Variants in NHLRC3 observed in about 807,000 individuals in gnomAD.
NHLRC3 encodes NHL repeat-containing protein 3.
A neutral mutation model predicts 32.0 loss-of-function variants in NHLRC3; 23 were observed. The ratio of observed to expected loss-of-function variants is 0.72; its 90% CI spans 0.52 to 1.02. The LOEUF (loss-of-function observed/expected upper bound fraction) is 1.02, where lower values mean the gene tolerates loss of function less well. Among genes scored for constraint, NHLRC3 ranks in the 50% least tolerant of loss-of-function variants. NHLRC3 has a pLI of 0.00. For synonymous variants in NHLRC3, 159 were observed against 147.9 expected (o/e 1.08, Z -0.55); for missense variants, 407 against 406.8 (o/e 1.00, Z -0.01).
At chr13:39,047,589 G>T in intron 6 of NHLRC3, 85 bp from the exon 7 acceptor site, 1 of 1,071,366 alleles carries the variant, frequency 9.3e-7, no homozygotes, top group Non-Finnish European at 1.4e-6. Flanking sequence ...CTGTTGTTTG[G>T]CACAGTAGGG....
At chr13:39,044,279 A>C in intron 5 of NHLRC3, 98 bp downstream of exon 5, 1 of 830,166 alleles carries the variant, frequency 1.2e-6, no homozygotes. Context: ...CTGGGCATGT[A>C]TATATAGATT....
chr13:39,047,141 T>A lies in NHLRC3; in HGVS notation c.780T>A (p.Pro260=). 1.3e-6 allele frequency: 2 copies of A among 1,571,900 alleles called. No homozygotes were observed. The highest frequency in any genetic ancestry group is 1.7e-6 in the Non-Finnish European group (2 of 1,143,522). ...AWNNCFTEEG[P]SSVRFTPDGK... is the part of the protein sequence containing the mutation. ...ATAATTGTTTCACAGAAGAGGGACC[T>A]TCTTCAGTCAGGTAATTGTTTCATT... Residue 260 remains proline (P), a synonymous_variant, in exon 6 of 7, where the codon CCT becomes CCA. Transcript: ENST00000379600.
intron 2 of NHLRC3, 96 bp from the exon 3 acceptor site, chr13:39,039,468 T>C: frequency 8.1e-7 from 1 of 1,231,264 alleles, no homozygotes; most frequent in Non-Finnish European, 1.1e-6. Flanking sequence ...AAGTGGTTTT[T>C]GTAGTAAAAT....
chr13:39,043,176 T>C (rs1871527405), intron 4 of NHLRC3, among the ~76,000 whole-genome samples: 1 of 151,326 alleles, frequency 6.6e-6, no homozygotes, highest in Non-Finnish European at 1.5e-5. Context: ...TTGATAACAG[T>C]TGAAAGGGAA....
In NHLRC3 at chr13:39,047,078, A is replaced by G; in HGVS notation, c.717A>G (p.Val239=). ...VADRGNKRIQ[V]FDKDTGEWLG... ...ACCGAGGAAATAAAAGAATCCAAGTATTTGATAAAGACACTGGGGAGTGGT... is the reference window on the plus strand; with the variant it reads ...ACCGAGGAAATAAAAGAATCCAAGTGTTTGATAAAGACACTGGGGAGTGGT... Residue 239 remains valine (V), a synonymous_variant, in exon 6 of 7, where the codon GTA becomes GTG. Coordinates refer to ENST00000379600, the MANE Select transcript of NHLRC3 (RefSeq NM_001012754.4). The G allele has an allele frequency of 6.2e-7, 1 of 1,613,302 alleles. No homozygotes were observed. Among genetic ancestry groups the G allele is most frequent in the Non-Finnish European group, 8.5e-7 (1 of 1,179,506 alleles).
intron 4 of NHLRC3, 56 bp from the exon 5 acceptor site, chr13:39,044,034 C>A: frequency 8.4e-7 from 1 of 1,195,822 alleles, no homozygotes; most frequent in Non-Finnish European, 1.2e-6. Context: ...ATAAAATATG[C>A]AAATGCATGA....
At chr13:39,038,992 C>A in intron 1 of NHLRC3, 144 bp from the exon 2 acceptor site, 1 of 688,002 alleles carries the variant, frequency 1.5e-6, no homozygotes, top group Non-Finnish European at 2.5e-6. Context: ...CATCTAAGCT[C>A]ATTTCTTTGG....
intron 4 of NHLRC3, 112 bp from the exon 5 acceptor site, chr13:39,043,978 C>A: frequency 1.3e-6 from 1 of 768,458 alleles, no homozygotes; most frequent in Non-Finnish European, 2.2e-6. Context: ...AAAGCATAGT[C>A]AAGTGAACCA....
Position 39,044,195 on chromosome 13 carries a change from G to A in NHLRC3, c.678+14G>A, listed in dbSNP as rs763940483. ...TCAGCTGGTCGGGTACAAATACAGCGTCATTGTGTCTGGGACTTTGTGTCT... is the reference window on the plus strand; with the variant it reads ...TCAGCTGGTCGGGTACAAATACAGCATCATTGTGTCTGGGACTTTGTGTCT... On this transcript the variant is annotated intron_variant, in intron 5 of 6. Coordinates refer to ENST00000379600, the MANE Select transcript of NHLRC3 (RefSeq NM_001012754.4). The A allele has an allele frequency of 4.8e-5, 75 of 1,551,386 alleles. No individual in the cohort carries two copies. Among genetic ancestry groups the A allele is most frequent in the Non-Finnish European group, 5.8e-5 (65 of 1,123,050 alleles).
intron 3 of NHLRC3, chr13:39,040,195 A>C (rs1421207167): frequency 6.6e-6 from 1 of 151,842 alleles, no homozygotes; most frequent in Non-Finnish European, 1.5e-5. Flanking sequence ...CTCAAAAAAA[A>C]AAAAAAAAAG....
chr13:39,048,003 A>G lies in NHLRC3; in HGVS notation c.*77A>G, dbSNP rs1034197441. The G allele has an allele frequency of 6.7e-6, 8 of 1,189,698 alleles. No homozygotes were observed. The highest frequency in any genetic ancestry group is 9.5e-6 in the Non-Finnish European group (8 of 843,172). 73.7% of individuals were successfully genotyped at this position (1,189,698 alleles called of 1,614,324 possible). On this transcript the variant is annotated 3_prime_UTR_variant, in exon 7 of 7. Coordinates refer to ENST00000379600, the MANE Select transcript of NHLRC3 (RefSeq NM_001012754.4). ...AAGTGCTTAAAAATGATGTTCAAGCACAAGAATTTATTTTTCTAGTATAAA... is the reference window on the plus strand; with the variant it reads ...AAGTGCTTAAAAATGATGTTCAAGCGCAAGAATTTATTTTTCTAGTATAAA...
Position 39,038,540 on chromosome 13 carries a change from G to A in NHLRC3, c.-100G>A. On this transcript the variant is annotated 5_prime_UTR_variant, in exon 1 of 7. Transcript: ENST00000379600. The stretch of plus-strand genomic sequence containing the variant: ...CCGGAGATAGGGTCTTCGGGCCCCG[G>A]GCAGACCCTCTGTGCCGCTGCAAAC... 1.0e-6 allele frequency: 1 copy of A among 989,644 alleles called. No individual in the cohort carries two copies. The highest frequency in any genetic ancestry group is 1.7e-5 in the Admixed American group (1 of 57,678). The allele number at this position is 989,644 out of a possible 1,614,324, so 61.3% of individuals were successfully genotyped here.
In NHLRC3 at chr13:39,044,141, T is replaced by G. The variant is rs749268370; in HGVS notation, c.638T>G (p.Phe213Cys). 5.0e-6 allele frequency: 8 copies of G among 1,613,808 alleles called. 1 individual carries two copies. Among genetic ancestry groups the G allele is most frequent in the Middle Eastern group, 1.6e-4 (1 of 6,062 alleles). Residue 213 changes from phenylalanine to cysteine, a missense_variant, in exon 5 of 7, where the codon TTC (phenylalanine) becomes TGC (cysteine). By Grantham distance (205) the Phe-to-Cys change is radical (BLOSUM62 -2). Transcript: ENST00000379600. ...HGENGTGPAK[F>C]NIPHSVTLDS... The stretch of plus-strand genomic sequence containing the variant: ...GAAAATGGGACAGGGCCTGCTAAGT[T>G]CAACATACCTCACAGTGTTACACTT...
rs903012102 is a variant in NHLRC3 at position 39,042,115 on chromosome 13, T to C, written c.396T>C (p.Gly132=). 1.5e-5 allele frequency: 23 copies of C among 1,585,854 alleles called. No homozygotes were observed. The highest frequency in any genetic ancestry group is 1.9e-5 in the Non-Finnish European group (22 of 1,154,646). ...WITDVGSGFF[G]HTVKKYSSFG... ...TATCTATCTTTATAGGATTCTTTGGTCATACTGTTAAAAAATACAGTTCTT... is the reference window on the plus strand; with the variant it reads ...TATCTATCTTTATAGGATTCTTTGGCCATACTGTTAAAAAATACAGTTCTT... Residue 132 remains glycine, a synonymous_variant, in exon 4 of 7, where the codon GGT becomes GGC. Transcript: ENST00000379600.
In NHLRC3 at chr13:39,047,676, T is replaced by A. The variant is rs773847120; in HGVS notation, c.794T>A (p.Phe265Tyr). The change falls in exon 7 of 7, where the codon TTT (phenylalanine) becomes TAT (tyrosine). Residue 265 changes from phenylalanine to tyrosine, a missense_variant and splice_region_variant. Physicochemically the swap from Phe to Tyr is conservative, Grantham distance 22 (BLOSUM62 3). Coordinates refer to ENST00000379600, the MANE Select transcript of NHLRC3 (RefSeq NM_001012754.4). ...FTEEGPSSVR[F>Y]TPDGKYLIVA... The stretch of plus-strand genomic sequence containing the variant: ...ATGTTAAATGTCTTTCTCCTTAGGT[T>A]TACTCCTGATGGGAAGTACTTGATT... 3.7e-6 allele frequency: 6 copies of A among 1,612,114 alleles called. No individual in the cohort carries two copies. The African/African-American group carries it at 8.0e-5, about 22-fold the overall frequency.
chr13:39,048,032 T>C lies in NHLRC3; in HGVS notation c.*106T>C. 1 of 929,668 alleles carries C rather than the reference T, an allele frequency of 1.1e-6. No individual in the cohort carries two copies. Among genetic ancestry groups the C allele is most frequent in the Non-Finnish European group, 1.6e-6 (1 of 620,568 alleles). 57.6% of individuals were successfully genotyped at this position (929,668 alleles called of 1,614,324 possible). On this transcript the variant is annotated 3_prime_UTR_variant, in exon 7 of 7. Coordinates refer to ENST00000379600, the MANE Select transcript of NHLRC3 (RefSeq NM_001012754.4). ...GAATTTATTTTTCTAGTATAAAAGATCTAGTATCAGAAAGATTTGTTTTTG... is the reference window on the plus strand; with the variant it reads ...GAATTTATTTTTCTAGTATAAAAGACCTAGTATCAGAAAGATTTGTTTTTG...
Position 39,048,549 on chromosome 13 carries a change from G to A in NHLRC3, c.*623G>A, listed in dbSNP as rs967803478. 1 of 152,140 alleles carries A rather than the reference G, an allele frequency of 6.6e-6. No individual in the cohort carries two copies. The highest frequency in any genetic ancestry group is 2.4e-5 in the African/African-American group (1 of 41,428). 9.4% of individuals were successfully genotyped at this position (152,140 alleles called of 1,614,324 possible). ...TGACTGAGGGAATCATGGATACTTCGCAGGAGAAGTGAATTTGAGCTCAGA... is the reference window on the plus strand; with the variant it reads ...TGACTGAGGGAATCATGGATACTTCACAGGAGAAGTGAATTTGAGCTCAGA... On this transcript the variant is annotated 3_prime_UTR_variant, in exon 7 of 7. Transcript: ENST00000379600.
In NHLRC3 at chr13:39,049,591, AT is replaced by A. The variant is rs1871827541; in HGVS notation, c.*1669del. On this transcript the variant is annotated 3_prime_UTR_variant, in exon 7 of 7. Coordinates refer to ENST00000379600, the MANE Select transcript of NHLRC3 (RefSeq NM_001012754.4). ...GACAATAACTATCAGATTTGCCTTA[AT>A]TTTGTGTTTATAGCATTTATCAAAA... The A allele has an allele frequency of 6.6e-6, 1 of 152,184 alleles. No homozygotes were observed. The highest frequency in any genetic ancestry group is 2.4e-5 in the African/African-American group (1 of 41,430). 9.4% of individuals were successfully genotyped at this position (152,184 alleles called of 1,614,324 possible). A position where few individuals can be genotyped will look rare whatever the true frequency, so the allele number is the denominator to read the frequency against.
At position 39,042,294 on chromosome 13, in the gene NHLRC3, A is replaced by C. The variant is rs376811167; in HGVS notation, c.575A>C (p.Lys192Thr). The C allele has an allele frequency of 6.3e-7, 1 of 1,581,540 alleles. No individual in the cohort carries two copies. The highest frequency in any genetic ancestry group is 8.7e-7 in the Non-Finnish European group (1 of 1,150,542). The change falls in exon 4 of 7, where the codon AAA (lysine) becomes ACA (threonine). Residue 192 changes from lysine to threonine, a missense_variant. Lys to Thr is a moderately conservative substitution (Grantham distance 78). Transcript: ENST00000379600. ...GGAGGATTGAATAACAGATTGATCAAACTGTCCCAAGGTACATTACTTGTT... is the reference window on the plus strand; with the variant it reads ...GGAGGATTGAATAACAGATTGATCACACTGTCCCAAGGTACATTACTTGTT... ...GDGGLNNRLI[K>T]LSQDFMILWL...
Sources: allele counts gnomAD v4.1 joint callset (sites outside exome capture counted in the v4.1 genomes callset), GRCh38; gene constraint gnomAD v4.1.1; transcripts MANE v1.5; gene names NCBI Gene and HGNC (gene_info 2026-07-23, HGNC 2026-07-21).